NCOR2: variants seen among roughly 807,000 people sequenced by gnomAD.
NCOR2 encodes the protein nuclear receptor corepressor 2.
NCOR2 carries 81 observed loss-of-function variants against 262.9 expected under a neutral mutation model. The ratio of observed to expected loss-of-function variants is 0.31; its 90% CI spans 0.26 to 0.37. The LOEUF (loss-of-function observed/expected upper bound fraction) is 0.37, where lower values mean the gene tolerates loss of function less well. Among genes scored for constraint, NCOR2 ranks in the 10% least tolerant of loss-of-function variants. The probability of loss-of-function intolerance (pLI) is 1.00; values close to 1 mark genes in which losing one functional copy is unlikely to be tolerated. For synonymous variants in NCOR2, 1,659 were observed against 1,559.3 expected, an observed-to-expected ratio of 1.06 and a Z score of -1.51; for missense variants, 3,385 against 3,621.4, an observed-to-expected ratio of 0.93 and a Z score of 1.68.
Position 124,371,656 on chromosome 12 carries a change from A to T in NCOR2, c.2807+366T>A, listed in dbSNP as rs1225592194. ...GCGTCTCGGCCTGCATGGTGCCCCC[A>T]GGCTCCTGGCCTCCAGGACTGTATT... On this transcript the variant is annotated intron_variant, in intron 20 of 46. Coordinates refer to ENST00000405201, the Ensembl canonical transcript of NCOR2. Among the ~76,000 whole-genome samples, 3 of 152,252 alleles carry T rather than the reference A, an allele frequency of 2.0e-5. No homozygotes were observed. In the East Asian group the frequency reaches 5.8e-4, roughly 29 times the overall value.
At chr12:124,490,155 T>C (rs2048001818) in intron 1 of NCOR2, among the ~76,000 whole-genome samples, 1 of 152,102 alleles carries the variant, frequency 6.6e-6, no homozygotes, top group Non-Finnish European at 1.5e-5. Context: ...CTCAGCCAGA[T>C]TCCCACATGC....
At chr12:124,441,469 T>C (rs1438361405) in intron 7 of NCOR2, among the ~76,000 whole-genome samples, 1 of 152,180 alleles carries the variant, frequency 6.6e-6, no homozygotes, top group African/African-American at 2.4e-5. Context: ...ATCTTTCTTC[T>C]AGAGTTCCAA....
At chr12:124,464,304 C>T (rs2046322817) in intron 5 of NCOR2, among the ~76,000 whole-genome samples, 1 of 152,232 alleles carries the variant, frequency 6.6e-6, no homozygotes, top group African/African-American at 2.4e-5. Flanking sequence ...TGTGCTGGGC[C>T]ACTGACCTGG....
At chr12:124,335,885 T>A (rs2035839224) in intron 38 of NCOR2, 1 of 498,904 alleles carries the variant, frequency 2.0e-6, no homozygotes, top group South Asian at 3.2e-5. Flanking sequence ...AGAGAGAGAT[T>A]AGGCAAGAAG....
intron 13 of NCOR2, among the ~76,000 whole-genome samples, chr12:124,414,992 G>A (rs1056536897): frequency 5.3e-5 from 8 of 152,168 alleles, no homozygotes; most frequent in Admixed American, 5.2e-4. Context: ...AAGAAGAACC[G>A]GCCCACAGAG....
chr12:124,441,768 G>A (rs754831197), intron 7 of NCOR2, among the ~76,000 whole-genome samples: 1 of 152,216 alleles, frequency 6.6e-6, no homozygotes, highest in Non-Finnish European at 1.5e-5. Flanking sequence ...AGCAAAGGAG[G>A]GATAACTCTA....
intron 37 of NCOR2, chr12:124,337,452 C>A (rs1268918875): frequency 9.2e-6 from 6 of 652,560 alleles, no homozygotes; most frequent in Non-Finnish European, 1.4e-5. Flanking sequence ...ATACAGCGGT[C>A]ATAAAACGGA....
exon 39 of NCOR2, chr12:124,335,632 C>G: frequency 6.3e-7 from 1 of 1,596,868 alleles, no homozygotes; most frequent in Non-Finnish European, 8.5e-7. Flanking sequence ...GCCGTGGTAA[C>G]CTAGGGCAGG....
At chr12:124,429,982 A>G (rs906139548) in intron 9 of NCOR2, among the ~76,000 whole-genome samples, 1 of 152,250 alleles carries the variant, frequency 6.6e-6, no homozygotes, top group African/African-American at 2.4e-5. Flanking sequence ...TTCAAAGCCC[A>G]GCTCTGCCTC....
chr12:124,386,198 G>A (rs910467408), intron 16 of NCOR2, among the ~76,000 whole-genome samples: 21 of 152,156 alleles, frequency 1.4e-4, no homozygotes, highest in African/African-American at 2.7e-4. Flanking sequence ...AGGCCACTGC[G>A]CGGGAGTCTG....
At chr12:124,470,452 A>G (rs553829189) in intron 4 of NCOR2, among the ~76,000 whole-genome samples, 2 of 152,362 alleles carry the variant, frequency 1.3e-5, no homozygotes, top group South Asian at 4.1e-4. Context: ...CCAAATGGCC[A>G]CAGATGATGA....
Position 124,457,229 on chromosome 12 carries a change from G to T in NCOR2, c.706-67C>A. On this transcript the variant is annotated intron_variant, in intron 5 of 46. Transcript: ENST00000405201. The surrounding 1 kb of genome is among the most constrained non-coding windows in gnomAD (Gnocchi z 4.0). ...AAAAAAACACAGATTATAAATAGAG[G>T]CTTCCCGGAGCAGCGGGCACCTGCC... 6.8e-7 allele frequency: 1 copy of T among 1,462,854 alleles called. No individual in the cohort carries two copies. Among genetic ancestry groups the T allele is most frequent in the East Asian group, 2.8e-5 (1 of 35,152 alleles). 90.6% of individuals were successfully genotyped at this position (1,462,854 alleles called of 1,614,324 possible).
chr12:124,354,713 G>C, intron 25 of NCOR2, 124 bp downstream of exon 27: 1 of 1,295,556 alleles, frequency 7.7e-7, no homozygotes, highest in Non-Finnish European at 1.1e-6. Context: ...GGGCTGCTGA[G>C]GGGGGACCTC....
At position 124,484,386 on chromosome 12, in the gene NCOR2, C is replaced by T. The variant is rs147741187; in HGVS notation, c.234-613G>A. ...CGACTGGCTCTCCTGAACCCTCCTCCGCAGTGTGCCTAGAGAGGGCATGGC... is the reference window on the plus strand; with the variant it reads ...CGACTGGCTCTCCTGAACCCTCCTCTGCAGTGTGCCTAGAGAGGGCATGGC... On this transcript the variant is annotated intron_variant, in intron 2 of 46. Coordinates refer to ENST00000405201, the Ensembl canonical transcript of NCOR2. 9.2e-3 allele frequency among the ~76,000 whole-genome samples: 1,408 copies of T among 152,334 alleles called. 28 individuals are homozygous for T. Among genetic ancestry groups the T allele is most frequent in the East Asian group, 0.041 (213 of 5,182 alleles).
chr12:124,358,158 T>G (rs1233691529), intron 22 of NCOR2, among the ~76,000 whole-genome samples: 1 of 141,928 alleles, frequency 7.0e-6, no homozygotes. Flanking sequence ...TGTGTGTGTG[T>G]GCCTGTACAC....
At chr12:124,406,159 C>T (rs1565914562) in intron 13 of NCOR2, among the ~76,000 whole-genome samples, 1 of 152,230 alleles carries the variant, frequency 6.6e-6, no homozygotes, top group South Asian at 2.1e-4. Flanking sequence ...CTGTCAACCC[C>T]CTTCTCAATT....
Position 124,495,098 on chromosome 12 carries a change from A to G in NCOR2, c.105+49T>C, listed in dbSNP as rs775005023. 105 of 1,598,900 alleles carry G rather than the reference A, an allele frequency of 6.6e-5. 1 individual carries two copies. The Middle Eastern group carries it at 2.3e-3, about 35-fold the overall frequency. Reference sequence around the variant, plus strand: ...AGGGGTGAAGACTCAGTGGAATGGAAGAAGGGTCTCAAAGGTAGCCCCAGG... The same window carrying G: ...AGGGGTGAAGACTCAGTGGAATGGAGGAAGGGTCTCAAAGGTAGCCCCAGG... On this transcript the variant is annotated intron_variant, in intron 1 of 46. Transcript: ENST00000405201. This position sits in a 1 kb window ranked among gnomAD's most constrained non-coding sequence, Gnocchi z 4.4.
At chr12:124,463,262 G>A (rs566811009) in intron 5 of NCOR2, among the ~76,000 whole-genome samples, 17 of 152,324 alleles carry the variant, frequency 1.1e-4, no homozygotes, top group South Asian at 2.1e-4. Context: ...CAAAGGAGAC[G>A]CCAGTCCCCT....
At chr12:124,488,888 AG>A (rs1460973632) in intron 1 of NCOR2, among the ~76,000 whole-genome samples, 2 of 151,940 alleles carry the variant, frequency 1.3e-5, no homozygotes, top group African/African-American at 2.4e-5. Flanking sequence ...GGGGCTGGGG[AG>A]GCCTCTGCAT....
Sources: gnomAD v4.1 joint callset for allele counts (sites outside exome capture counted in the v4.1 genomes callset) on GRCh38, gnomAD v4.1.1 for gene constraint, Gnocchi (gnomAD v3.1) non-coding constraint, MANE v1.5 for transcripts, NCBI Gene and HGNC (gene_info 2026-07-23, HGNC 2026-07-21) for gene names.